ANKH: variants seen among roughly 807,000 people sequenced by gnomAD.
ANKH encodes the protein ANKH inorganic pyrophosphate transport regulator.
Under a neutral mutation model 49.0 loss-of-function variants are expected in ANKH, and 15 were observed. That is an observed-to-expected ratio of 0.31 (90% confidence interval 0.20 to 0.47). The LOEUF (loss-of-function observed/expected upper bound fraction) is 0.47. Ranked by LOEUF, ANKH falls within the 20% of genes least tolerant of loss-of-function variation. ANKH has a pLI of 1.00. For synonymous variants in ANKH, 273 were observed against 260.0 expected (o/e 1.05, Z -0.48); for missense variants, 429 against 652.0 (o/e 0.66, Z 3.72).
chr5:14,734,771 A>G (rs1738120447), intron 8 of ANKH, among the ~76,000 whole-genome samples: 1 of 152,240 alleles, frequency 6.6e-6, no homozygotes, highest in Non-Finnish European at 1.5e-5. Flanking sequence ...TTCTTGGCAG[A>G]ACACGGGTGT....
Position 14,713,501 on chromosome 5 carries a change from A to G in ANKH, c.1265+43T>C. 2 of 1,612,464 alleles carry G rather than the reference A, an allele frequency of 1.2e-6. No individual in the cohort carries two copies. Among genetic ancestry groups the G allele is most frequent in the Non-Finnish European group, 1.7e-6 (2 of 1,179,156 alleles). ...GTTAAACCTCTGGACACAGTATTGA[A>G]GTGGCAGAAGGACCCACAGCCCCAA... On this transcript the variant is annotated intron_variant, in intron 10 of 11. Transcript: ENST00000284268. This position sits in a 1 kb window ranked among gnomAD's most constrained non-coding sequence, Gnocchi z 4.4.
chr5:14,712,286 T>A (rs930988617), intron 11 of ANKH, among the ~76,000 whole-genome samples: 3 of 152,244 alleles, frequency 2.0e-5, no homozygotes, highest in Non-Finnish European at 4.4e-5. Context: ...ACTCTGCTAC[T>A]CTCTTGACCA....
intron 2 of ANKH, among the ~76,000 whole-genome samples, chr5:14,765,727 C>T (rs1395266968): frequency 1.3e-5 from 2 of 152,172 alleles, no homozygotes; most frequent in South Asian, 2.1e-4. Flanking sequence ...TGAGGGATGA[C>T]ACTACAAAAG....
chr5:14,781,001 T>C (rs1156530148), intron 1 of ANKH, among the ~76,000 whole-genome samples: 1 of 152,236 alleles, frequency 6.6e-6, no homozygotes, highest in Non-Finnish European at 1.5e-5. Context: ...GCAGGCACAG[T>C]TACCTGTGGG....
intron 1 of ANKH, among the ~76,000 whole-genome samples, chr5:14,842,276 C>T (rs920656392): frequency 2.0e-5 from 3 of 152,096 alleles, no homozygotes; most frequent in Non-Finnish European, 4.4e-5. Context: ...CATTTCTGCA[C>T]CTGCGGGGCC....
chr5:14,777,108 C>G (rs1273035739), intron 1 of ANKH, among the ~76,000 whole-genome samples: 5 of 151,068 alleles, frequency 3.3e-5, no homozygotes. Flanking sequence ...ATGGCAAAAC[C>G]CTGTCTCTAC....
intron 8 of ANKH, among the ~76,000 whole-genome samples, chr5:14,728,885 T>C (rs1302316147): frequency 1.3e-5 from 2 of 151,444 alleles, no homozygotes; most frequent in African/African-American, 4.9e-5. Context: ...GACGGTGGAG[T>C]CCTTGGGGTG....
rs1737120251 is a variant in ANKH, at chr5:14,710,369, T to G, written c.*828A>C. The G allele has an allele frequency of 6.6e-6, 1 of 152,208 alleles. No homozygotes were observed. 9.4% of individuals were successfully genotyped at this position (152,208 alleles called of 1,614,324 possible). A position where few individuals can be genotyped will look rare whatever the true frequency, so the allele number is the denominator to read the frequency against. On this transcript the variant is annotated 3_prime_UTR_variant, in exon 12 of 12. Coordinates refer to ENST00000284268, the MANE Select transcript of ANKH (RefSeq NM_054027.6). Reference sequence around the variant, plus strand: ...GGGAAAAGCAAGCCTTCAGGAAAAGTCATGCGGCAGGGTCTGGAATCTGGA... The same window carrying G: ...GGGAAAAGCAAGCCTTCAGGAAAAGGCATGCGGCAGGGTCTGGAATCTGGA...
rs1482943564 is a variant in ANKH, at chr5:14,757,428, A to ATT, written c.432+1051_432+1052insAA. Reference sequence around the variant, plus strand: ...CTTATTGGAACATATATATATATATATATTTTTTTTTTTTTTTTTTTGCTA... The same window carrying ATT: ...CTTATTGGAACATATATATATATATATTTATTTTTTTTTTTTTTTTTTTGCTA... On this transcript the variant is annotated intron_variant, in intron 3 of 11. Transcript: ENST00000284268. Among the ~76,000 whole-genome samples the ATT allele has an allele frequency of 3.1e-3, 391 of 127,984 alleles. 2 individuals are homozygous for ATT. The highest frequency in any genetic ancestry group is 0.011 in the African/African-American group (335 of 30,962). The allele number at this position is 127,984 out of a possible 152,430, so 84.0% of individuals were successfully genotyped here.
chr5:14,770,375 C>G lies in ANKH; in HGVS notation c.97-1184G>C, dbSNP rs927902640. ...CCTTAGGGGATACATTCTAAGACCC[C>G]CAGTGAATGCCTGAAACCATGGAAA... On this transcript the variant is annotated intron_variant, in intron 1 of 11. Transcript: ENST00000284268. The surrounding 1 kb of genome is among the most constrained non-coding windows in gnomAD (Gnocchi z 4.1). 7.2e-5 allele frequency among the ~76,000 whole-genome samples: 11 copies of G among 152,104 alleles called. No individual in the cohort carries two copies. Among genetic ancestry groups the G allele is most frequent in the Non-Finnish European group, 1.6e-4 (11 of 68,026 alleles).
intron 1 of ANKH, among the ~76,000 whole-genome samples, chr5:14,784,916 G>C (rs1580066289): frequency 1.3e-5 from 2 of 151,972 alleles, no homozygotes; most frequent in Non-Finnish European, 2.9e-5. Context: ...CTGGACAGAG[G>C]AATATTTGAG....
At chr5:14,769,624 GGTGTGT>G (rs35815515) in intron 1 of ANKH, among the ~76,000 whole-genome samples, 1 of 150,608 alleles carries the variant, frequency 6.6e-6, no homozygotes, top group South Asian at 2.1e-4. Context: ...AAGAAGGGGT[GGTGTGT>G]GTGTGTGTGT....
intron 1 of ANKH, among the ~76,000 whole-genome samples, chr5:14,866,703 G>A (rs760079223): frequency 2.5e-4 from 36 of 142,676 alleles, no homozygotes; most frequent in Admixed American, 4.8e-4. Flanking sequence ...TGAGGTATCA[G>A]TTGTTTCTTT....
intron 8 of ANKH, among the ~76,000 whole-genome samples, chr5:14,724,817 A>T (rs116168814): frequency 0.026 from 3,907 of 152,248 alleles, 154 homozygotes; most frequent in African/African-American, 0.089. Flanking sequence ...CTCGGAGACC[A>T]CCACCCTATG....
At chr5:14,838,804 T>G (rs1012572574) in intron 1 of ANKH, among the ~76,000 whole-genome samples, 1 of 152,176 alleles carries the variant, frequency 6.6e-6, no homozygotes, top group Non-Finnish European at 1.5e-5. Context: ...CACTCCGTGG[T>G]GTGAATTTTT....
chr5:14,751,807 A>G (rs967729385), intron 4 of ANKH, among the ~76,000 whole-genome samples: 2 of 152,184 alleles, frequency 1.3e-5, no homozygotes, highest in African/African-American at 4.8e-5. Context: ...ATTACTTGCT[A>G]TTTATGCCAA....
In ANKH at chr5:14,871,478, T is replaced by C. The variant is rs769173795; in HGVS notation, c.-31A>G. The C allele has an allele frequency of 3.2e-6, 5 of 1,570,618 alleles. No homozygotes were observed. In the South Asian group the frequency reaches 5.6e-5, roughly 17 times the overall value. The stretch of plus-strand genomic sequence containing the variant: ...CCGCCGTGGGCTGACCCCACACACA[T>C]CTGCTGCCGCGAGGGGACTCTGCGG... On this transcript the variant is annotated 5_prime_UTR_variant, in exon 1 of 12. It removes an upstream start codon present in the reference 5' UTR. Coordinates refer to ENST00000284268, the MANE Select transcript of ANKH (RefSeq NM_054027.6).
At chr5:14,855,540 T>A (rs1742229739) in intron 1 of ANKH, among the ~76,000 whole-genome samples, 1 of 152,144 alleles carries the variant, frequency 6.6e-6, no homozygotes, top group African/African-American at 2.4e-5. Context: ...TTTATCTCAT[T>A]GAGTAACCAG....
chr5:14,817,983 G>T (rs1167278882), intron 1 of ANKH, among the ~76,000 whole-genome samples: 4 of 145,056 alleles, frequency 2.8e-5, no homozygotes, highest in African/African-American at 7.7e-5. Context: ...AGAACTGCTT[G>T]AACCGGGGAG....
Sources: allele counts gnomAD v4.1 joint callset (sites outside exome capture counted in the v4.1 genomes callset), GRCh38; gene constraint gnomAD v4.1.1; non-coding constraint Gnocchi (gnomAD v3.1); transcripts MANE v1.5; gene names NCBI Gene and HGNC (gene_info 2026-07-23, HGNC 2026-07-21).